DNAH14: variants seen among roughly 807,000 people sequenced by gnomAD.
DNAH14 encodes axonemal beta dynein heavy chain 14.
DNAH14 carries 478 observed loss-of-function variants against 520.9 expected under a neutral mutation model. That is an observed-to-expected ratio of 0.92 (90% CI 0.85 to 0.99). The LOEUF is 0.99. Among genes scored for constraint, DNAH14 ranks in the 50% least tolerant of loss-of-function variants. The pLI is 0.00. For missense variants in DNAH14, 4,831 were observed against 5,234.5 expected (o/e 0.92, Z 2.38); for synonymous variants, 1,581 against 1,757.2 (o/e 0.90, Z 2.51).
chr1:225,267,525 C>T (rs1452532782), intron 49 of DNAH14, among the ~76,000 whole-genome samples: 8 of 151,992 alleles, frequency 5.3e-5, no homozygotes, highest in South Asian at 2.1e-4. Flanking sequence ...GATCTGACCT[C>T]GTGATCCGCC....
chr1:225,255,956 G>A (rs1175682908), intron 44 of DNAH14, among the ~76,000 whole-genome samples: 1 of 152,080 alleles, frequency 6.6e-6, no homozygotes, highest in African/African-American at 2.4e-5. Flanking sequence ...TAACAACAGA[G>A]TCTACTTAAG....
intron 5 of DNAH14, among the ~76,000 whole-genome samples, chr1:224,965,998 T>C (rs2061145485): frequency 6.6e-6 from 1 of 152,180 alleles, no homozygotes; most frequent in African/African-American, 2.4e-5. Context: ...TATAATTTGA[T>C]TTTTAATTAT....
At chr1:225,021,303 A>C (rs77855878) in intron 10 of DNAH14, among the ~76,000 whole-genome samples, 111 of 152,326 alleles carry the variant, frequency 7.3e-4, no homozygotes, top group Non-Finnish European at 1.3e-3. Context: ...AGCCAGATCA[A>C]TTATGCAAGA....
At chr1:225,048,455 T>G (rs984630458) in intron 15 of DNAH14, among the ~76,000 whole-genome samples, 1 of 152,180 alleles carries the variant, frequency 6.6e-6, no homozygotes, top group Admixed American at 6.5e-5. Flanking sequence ...GAGCCAAAAT[T>G]GTACCACTGT....
chr1:225,280,169 G>C (rs1261812545), intron 54 of DNAH14, among the ~76,000 whole-genome samples: 1 of 151,802 alleles, frequency 6.6e-6, no homozygotes, highest in East Asian at 1.9e-4. Flanking sequence ...TGAAGAAAAA[G>C]AACATCAAAG....
chr1:225,221,013 C>T (rs1490222242), intron 41 of DNAH14, among the ~76,000 whole-genome samples: 2 of 152,212 alleles, frequency 1.3e-5, no homozygotes, highest in East Asian at 1.9e-4. Context: ...CATCTACAAC[C>T]AGCTGATCTT....
At position 225,117,669 on chromosome 1, in the gene DNAH14, T is replaced by G. The variant is rs1160809029; in HGVS notation, c.3868-15T>G. ...AGCATATATTCTGAATTGCATTTCT[T>G]TTGATTCTGGACAGGATTACCTTGA... On this transcript the variant is annotated splice_polypyrimidine_tract_variant and intron_variant, in intron 23 of 85. Transcript: ENST00000682510. The G allele has an allele frequency of 6.8e-7, 1 of 1,472,056 alleles. No homozygotes were observed. Among genetic ancestry groups the G allele is most frequent in the Non-Finnish European group, 9.2e-7 (1 of 1,085,726 alleles). 91.2% of individuals were successfully genotyped at this position (1,472,056 alleles called of 1,614,324 possible).
chr1:225,103,736 A>T (rs902798718), intron 23 of DNAH14, among the ~76,000 whole-genome samples: 25 of 152,062 alleles, frequency 1.6e-4, no homozygotes, highest in Non-Finnish European at 8.8e-5. Context: ...TTGCACATTG[A>T]TTTTGTATCC....
At chr1:225,229,085 T>TCATTAAATCTGTACTAA (rs1375621163) in intron 41 of DNAH14, among the ~76,000 whole-genome samples, 87 of 152,322 alleles carry the variant, frequency 5.7e-4, no homozygotes, top group South Asian at 1.2e-3. Context: ...CAAGCCTTTG[T>TCATTAAATCTGTACTAA]CATTAAATCT....
chr1:225,322,246 T>C (rs985403515), intron 61 of DNAH14, among the ~76,000 whole-genome samples: 3 of 151,770 alleles, frequency 2.0e-5, no homozygotes, highest in African/African-American at 7.3e-5. Flanking sequence ...CCCGCCACCA[T>C]ACCCAGCTAA....
At chr1:225,177,109 G>GCTT (rs1412183825) in intron 36 of DNAH14, among the ~76,000 whole-genome samples, 1 of 152,148 alleles carries the variant, frequency 6.6e-6, no homozygotes, top group Non-Finnish European at 1.5e-5. Flanking sequence ...TCCAGGCTGA[G>GCTT]GTATTTTCAA....
rs763336965 is a variant in DNAH14, at chr1:225,272,092, T to G, written c.7839+19T>G. 6.5e-7 allele frequency: 1 copy of G among 1,535,510 alleles called. No homozygotes were observed. On this transcript the variant is annotated intron_variant, in intron 51 of 85. Transcript: ENST00000682510. ...GTTTAAGGTTTGTTTTAATGTTCAT[T>G]CTCTAGTTTATTTTTTAAATATAAG...
At chr1:225,165,759 A>G (rs1166050815) in intron 35 of DNAH14, among the ~76,000 whole-genome samples, 2 of 151,334 alleles carry the variant, frequency 1.3e-5, no homozygotes, top group African/African-American at 4.9e-5. Context: ...AATTTTTTTT[A>G]TTTTTTGTAG....
intron 23 of DNAH14, among the ~76,000 whole-genome samples, chr1:225,103,381 T>C (rs1379197998): frequency 6.6e-6 from 1 of 152,224 alleles, no homozygotes; most frequent in Non-Finnish European, 1.5e-5. Context: ...GGGCTCTTTT[T>C]TGGTTCCATA....
chr1:225,282,639 A>C (rs894196024), intron 54 of DNAH14, among the ~76,000 whole-genome samples: 3 of 152,168 alleles, frequency 2.0e-5, no homozygotes, highest in African/African-American at 7.2e-5. Context: ...TACATAAGGG[A>C]ATCTCAGGAA....
intron 15 of DNAH14, among the ~76,000 whole-genome samples, chr1:225,049,770 CTACCTAT>C (rs2148296350): frequency 8.6e-6 from 1 of 116,438 alleles, no homozygotes; most frequent in Admixed American, 8.9e-5. Context: ...GTCTATCTAT[CTACCTAT>C]CTATCTATCT....
chr1:225,081,526 C>T (rs1037364370), intron 19 of DNAH14, among the ~76,000 whole-genome samples: 1 of 152,180 alleles, frequency 6.6e-6, no homozygotes, highest in African/African-American at 2.4e-5. Flanking sequence ...CTAGACGACA[C>T]CTTCTTTTAC....
Position 225,307,483 on chromosome 1 carries a change from T to C in DNAH14, c.9028T>C (p.Ser3010Pro). The part of the protein sequence containing the change: ...TKRDRFHMGL[S>P]TILEATTLVT... Reference sequence around the variant, plus strand: ...CAGGGATCGCTTCCATATGGGTCTATCCACAATCCTGGAAGCAACCACTCT... The same window carrying C: ...CAGGGATCGCTTCCATATGGGTCTACCCACAATCCTGGAAGCAACCACTCT... Residue 3010 changes from serine to proline, a missense_variant, in exon 59 of 86, where the codon TCC becomes CCC. Physicochemically the swap from Ser to Pro is moderately conservative, Grantham distance 74. Transcript: ENST00000682510. The C allele has an allele frequency of 1.3e-6, 2 of 1,548,544 alleles. No individual in the cohort carries two copies. Among genetic ancestry groups the C allele is most frequent in the Non-Finnish European group, 1.7e-6 (2 of 1,145,952 alleles).
intron 16 of DNAH14, among the ~76,000 whole-genome samples, chr1:225,051,159 T>C (rs2068500767): frequency 6.6e-6 from 1 of 152,114 alleles, no homozygotes; most frequent in Admixed American, 6.6e-5. Context: ...TAAAACAGGG[T>C]AATAAGCAAG....
Sources: allele counts gnomAD v4.1 joint callset (sites outside exome capture counted in the v4.1 genomes callset), GRCh38; gene constraint gnomAD v4.1.1; transcripts MANE v1.5; gene names NCBI Gene and HGNC (gene_info 2026-07-23, HGNC 2026-07-21).